The following GLIS3 variants were observed in gnomAD, a reference collection of about 807,000 sequenced individuals.
GLIS3 encodes zinc finger protein GLIS3.
Under a neutral mutation model 78.6 loss-of-function variants are expected in GLIS3, and 53 were observed. The observed-to-expected ratio is 0.67, with a 90% confidence interval of 0.54 to 0.85. GLIS3 has a LOEUF of 0.85. GLIS3 is among the 40% of genes least tolerant of loss of function. The pLI is 0.00. For missense variants in GLIS3, 1,703 were observed against 1,231.1 expected (o/e 1.38, Z -5.74); for synonymous variants, 684 against 509.9 (o/e 1.34, Z -4.60).
At chr9:4,381,218 T>A in the GLIS3 span, among the ~76,000 whole-genome samples, 1 of 152,108 alleles carries the variant, frequency 6.6e-6, no homozygotes, top group Non-Finnish European at 1.5e-5. Context: ...ATAAAATGAG[T>A]TCAACATGAA....
At chr9:3,892,105 A>C (rs1178775233) in intron 7 of GLIS3, among the ~76,000 whole-genome samples, 1 of 152,156 alleles carries the variant, frequency 6.6e-6, no homozygotes, top group Non-Finnish European at 1.5e-5. Context: ...CGCCAGGGTA[A>C]GACTCAACTC....
Position 4,117,912 on chromosome 9 carries a change from C to G in GLIS3, c.1566G>C (p.Glu522Asp). 6.2e-7 allele frequency: 1 copy of G among 1,614,188 alleles called. No individual in the cohort carries two copies. The highest frequency in any genetic ancestry group is 8.5e-7 in the Non-Finnish European group (1 of 1,180,036). The change falls in exon 4 of 11, where the codon GAG (glutamate) becomes GAC (aspartate). Residue 522 changes from glutamate to aspartate, a missense_variant. By Grantham distance (45) the Glu-to-Asp change is conservative. Transcript: ENST00000381971. ...CTTTGCGCTGGTCGATGTGGACCTTCTCGATGTGCCGCACGAGCTCCTCCT... is the reference window on the plus strand; with the variant it reads ...CTTTGCGCTGGTCGATGTGGACCTTGTCGATGTGCCGCACGAGCTCCTCCT... The part of the protein sequence containing the change: ...DQQEELVRHI[E>D]KVHIDQRKGE...
At chr9:4,463,550 T>G in the GLIS3 span, among the ~76,000 whole-genome samples, 3 of 152,192 alleles carry the variant, frequency 2.0e-5, no homozygotes, top group Admixed American at 6.5e-5. Context: ...ATTAGATTAA[T>G]TTATACTAAG....
chr9:4,450,728 A>T, the GLIS3 span, among the ~76,000 whole-genome samples: 1 of 152,212 alleles, frequency 6.6e-6, no homozygotes, highest in Non-Finnish European at 1.5e-5. Flanking sequence ...TCAACCCAGA[A>T]TTTCATATCC....
chr9:3,890,794 C>T (rs10758531), intron 7 of GLIS3, among the ~76,000 whole-genome samples: 150,246 of 152,228 alleles, frequency 0.99, 74,176 homozygotes, highest in Middle Eastern at 1. Context: ...AACAACACTA[C>T]TTTTGAATGA....
chr9:4,382,713 C>A, the GLIS3 span, among the ~76,000 whole-genome samples: 3 of 152,078 alleles, frequency 2.0e-5, no homozygotes, highest in African/African-American at 7.2e-5. Flanking sequence ...ACTATAGGGT[C>A]GAGACAGCAT....
rs376592979 is a variant in GLIS3, at chr9:4,093,400, T to C, written c.1710+24368A>G. Among the ~76,000 whole-genome samples, 10 of 152,286 alleles carry C rather than the reference T, an allele frequency of 6.6e-5. 1 individual carries two copies. The highest frequency in any genetic ancestry group is 2.4e-4 in the African/African-American group (10 of 41,558). On this transcript the variant is annotated intron_variant, in intron 4 of 10. Transcript: ENST00000381971. ...CGTGCACAAGGGAAGAACCAAAGCA[T>C]GTGGAAGACAGAGGAGAGCAGACTC...
intron 4 of GLIS3, among the ~76,000 whole-genome samples, chr9:4,000,904 T>A (rs1821082611): frequency 6.6e-6 from 1 of 152,224 alleles, no homozygotes; most frequent in African/African-American, 2.4e-5. Context: ...CTTCCCTGAT[T>A]ATTCTGATGG....
chr9:4,135,441 T>G (rs1833333201), intron 2 of GLIS3, among the ~76,000 whole-genome samples: 1 of 152,114 alleles, frequency 6.6e-6, no homozygotes, highest in Non-Finnish European at 1.5e-5. Flanking sequence ...GCAATGTGAG[T>G]TAGGCACACA....
At position 4,271,841 on chromosome 9, in the gene GLIS3, A is replaced by C. The variant is rs1376241986; in HGVS notation, c.388+14197T>G. 2.0e-5 allele frequency among the ~76,000 whole-genome samples: 3 copies of C among 152,198 alleles called. No individual in the cohort carries two copies. The East Asian group carries it at 5.8e-4, about 29-fold the overall frequency. On this transcript the variant is annotated intron_variant, in intron 2 of 10. Coordinates refer to ENST00000381971, the MANE Select transcript of GLIS3 (RefSeq NM_001042413.2). ...AACAGTACATAGTAAGATGTTTAAG[A>C]TACAAGACTGTGGGGTCGGAGCAAA...
intron 5 of GLIS3, among the ~76,000 whole-genome samples, chr9:3,936,123 C>T (rs567446786): frequency 2.6e-5 from 4 of 152,038 alleles, no homozygotes; most frequent in South Asian, 4.2e-4. Context: ...ATGTTAACAC[C>T]GAAAAAGTAC....
chr9:4,238,559 G>A (rs960425039), intron 2 of GLIS3, among the ~76,000 whole-genome samples: 3 of 152,190 alleles, frequency 2.0e-5, no homozygotes, highest in East Asian at 1.9e-4. Context: ...CAGAAGGCCC[G>A]TGTGAAGCAA....
At chr9:4,405,774 A>C in the GLIS3 span, among the ~76,000 whole-genome samples, 1 of 152,226 alleles carries the variant, frequency 6.6e-6, no homozygotes, top group African/African-American at 2.4e-5. Context: ...TAAAAAAAAA[A>C]ACTACAGGTC....
At chr9:4,008,948 C>A (rs1323162366) in intron 4 of GLIS3, among the ~76,000 whole-genome samples, 1 of 152,172 alleles carries the variant, frequency 6.6e-6, no homozygotes, top group Non-Finnish European at 1.5e-5. Context: ...AGGGCTCTTT[C>A]CACTACAGCA....
intron 2 of GLIS3, among the ~76,000 whole-genome samples, chr9:4,332,544 T>G (rs1162561425): frequency 6.6e-6 from 1 of 152,208 alleles, no homozygotes; most frequent in African/African-American, 2.4e-5. Context: ...TGTAGTAGCC[T>G]TGCACCCAGA....
At chr9:4,003,751 C>T (rs1200502940) in intron 4 of GLIS3, among the ~76,000 whole-genome samples, 1 of 152,180 alleles carries the variant, frequency 6.6e-6, no homozygotes, top group Non-Finnish European at 1.5e-5. Context: ...GTTCCCAGGA[C>T]AGTCATCTGG....
intron 4 of GLIS3, among the ~76,000 whole-genome samples, chr9:4,003,480 C>A (rs886862690): frequency 1.8e-4 from 28 of 152,176 alleles, no homozygotes; most frequent in Admixed American, 6.5e-5. Context: ...AATAGAGTGG[C>A]ATCCCCCTTA....
At chr9:4,428,642 G>A in the GLIS3 span, among the ~76,000 whole-genome samples, 1 of 151,980 alleles carries the variant, frequency 6.6e-6, no homozygotes, top group Non-Finnish European at 1.5e-5. Context: ...CAAGTCTGGG[G>A]CCTTAATTTA....
At chr9:4,353,751 C>G in the GLIS3 span, among the ~76,000 whole-genome samples, 1 of 152,230 alleles carries the variant, frequency 6.6e-6, no homozygotes, top group African/African-American at 2.4e-5. Flanking sequence ...CCTCCTTATC[C>G]GCTGCACAAA....
Sources: allele counts gnomAD v4.1 joint callset (sites outside exome capture counted in the v4.1 genomes callset), GRCh38; gene constraint gnomAD v4.1.1; transcripts MANE v1.5; gene names NCBI Gene and HGNC (gene_info 2026-07-23, HGNC 2026-07-21).